MYO16: variants seen among roughly 807,000 people sequenced by gnomAD.
MYO16 encodes the protein unconventional myosin-XVI.
In MYO16, 94 loss-of-function variants were observed where a neutral mutation model predicts 205.3. The ratio of observed to expected loss-of-function variants is 0.46; its 90% CI spans 0.39 to 0.54. MYO16 has a LOEUF of 0.54. Ranked by LOEUF, MYO16 falls within the 20% of genes least tolerant of loss-of-function variation. The pLI is 0.00. For synonymous variants in MYO16, 988 were observed against 954.0 expected (o/e 1.04, Z -0.66); for missense variants, 2,315 against 2,387.5 (o/e 0.97, Z 0.63).
At chr13:108,946,833 C>G (rs1461005916) in intron 16 of MYO16, among the ~76,000 whole-genome samples, 1 of 152,092 alleles carries the variant, frequency 6.6e-6, no homozygotes, top group Non-Finnish European at 1.5e-5. Flanking sequence ...CCCCAGCCTC[C>G]TAAGCCCAAG....
chr13:109,055,031 T>G lies in MYO16; in HGVS notation c.3049-15T>G. On this transcript the variant is annotated splice_polypyrimidine_tract_variant and intron_variant, in intron 25 of 34. Transcript: ENST00000457511. This position sits in a 1 kb window ranked among gnomAD's most constrained non-coding sequence, Gnocchi z 5.0. ...TTCTTTTCTCCTGTCCTTCTTGTCT[T>G]TCTTTTTATTACAGTTATTAAAAAA... The G allele has an allele frequency of 6.7e-7, 1 of 1,489,632 alleles. No homozygotes were observed. Among genetic ancestry groups the G allele is most frequent in the Non-Finnish European group, 9.2e-7 (1 of 1,089,978 alleles). The allele number at this position is 1,489,632 out of a possible 1,614,324, so 92.3% of individuals were successfully genotyped here. A position where few individuals can be genotyped will look rare whatever the true frequency, so the allele number is the denominator to read the frequency against.
chr13:109,055,415 A>G lies in MYO16; in HGVS notation c.3155A>G (p.Lys1052Arg), dbSNP rs779833607. Residue 1052 changes from lysine (K) to arginine (R), a missense_variant, in exon 27 of 35, where the codon AAA becomes AGA. By Grantham distance (26) the Lys-to-Arg change is conservative (BLOSUM62 2). Coordinates refer to ENST00000457511, the MANE Select transcript of MYO16 (RefSeq NM_001198950.3). This position sits in a 1 kb window ranked among gnomAD's most constrained non-coding sequence, Gnocchi z 5.0. ...AAATCACTAATGGATATTATTGGAA[A>G]ACTTCAGAAGTGCACTCCACACTTC... ...LRKSLMDIIG[K>R]LQKCTPHFIH... 1.7e-5 allele frequency: 27 copies of G among 1,612,374 alleles called. No individual in the cohort carries two copies. Among genetic ancestry groups the G allele is most frequent in the Non-Finnish European group, 2.3e-5 (27 of 1,179,178 alleles).
At chr13:108,535,410 CAG>C in the MYO16 span, among the ~76,000 whole-genome samples, 1 of 152,180 alleles carries the variant, frequency 6.6e-6, no homozygotes, top group African/African-American at 2.4e-5. Context: ...CATTCCGGAC[CAG>C]AATCCTTCTA....
chr13:108,925,578 G>C (rs1440143241), intron 16 of MYO16, among the ~76,000 whole-genome samples: 3 of 152,202 alleles, frequency 2.0e-5, no homozygotes, highest in Non-Finnish European at 4.4e-5. Flanking sequence ...CCCCCACCAA[G>C]TCTTCCCTGT....
At position 108,884,979 on chromosome 13, in the gene MYO16, T is replaced by C. The variant is rs1032935423; in HGVS notation, c.1553+1793T>C. Among the ~76,000 whole-genome samples the C allele has an allele frequency of 8.9e-5, 13 of 146,178 alleles. 1 individual carries two copies. On this transcript the variant is annotated intron_variant, in intron 13 of 34. Coordinates refer to ENST00000457511, the MANE Select transcript of MYO16 (RefSeq NM_001198950.3). ...AAAGATGCTGAGACAGGGGCTCTCA[T>C]CCATTCTAAACTCAAAGGAAGAGAA...
At chr13:108,918,865 G>A (rs575041736) in intron 16 of MYO16, among the ~76,000 whole-genome samples, 1 of 151,970 alleles carries the variant, frequency 6.6e-6, no homozygotes, top group Non-Finnish European at 1.5e-5. Flanking sequence ...CGGGAACCTG[G>A]GAGGAGGTGG....
intron 10 of MYO16, among the ~76,000 whole-genome samples, chr13:108,849,243 T>G (rs1035981957): frequency 1.3e-5 from 2 of 152,090 alleles, no homozygotes; most frequent in Non-Finnish European, 2.9e-5. Context: ...CAGACTGGAG[T>G]ACAATGGTGC....
At chr13:108,679,851 C>G (rs1169605942) in intron 2 of MYO16, among the ~76,000 whole-genome samples, 1 of 151,844 alleles carries the variant, frequency 6.6e-6, no homozygotes, top group East Asian at 1.9e-4. Context: ...TTGACATAAC[C>G]AGACTTCACC....
chr13:108,948,592 G>A (rs1353200796), intron 16 of MYO16, among the ~76,000 whole-genome samples: 2 of 152,214 alleles, frequency 1.3e-5, no homozygotes, highest in African/African-American at 4.8e-5. Context: ...GAAGTTCCAT[G>A]GGGATGTTTT....
intron 9 of MYO16, among the ~76,000 whole-genome samples, chr13:108,831,918 T>C (rs1484012928): frequency 1.3e-5 from 2 of 152,150 alleles, no homozygotes; most frequent in Admixed American, 1.3e-4. Context: ...CTGCTTTTCT[T>C]GTTATGTGAG....
At chr13:109,007,329 A>C (rs928850434) in intron 21 of MYO16, among the ~76,000 whole-genome samples, 1 of 151,836 alleles carries the variant, frequency 6.6e-6, no homozygotes, top group Non-Finnish European at 1.5e-5. Context: ...CGGAGCTTGC[A>C]GTGAGCCGAG....
Position 108,666,085 on chromosome 13 carries a change from G to C in MYO16, c.228G>C (p.Pro76=), listed in dbSNP as rs372620045. The part of the protein sequence containing the change: ...FLKRLKHAKN[P]KVHFNLTDML... ...AAAGGCTGAAGCATGCGAAGAATCC[G>C]AAAGTTCACTTCAACCTCACGGACA... The change falls in exon 2 of 35, where the codon CCG becomes CCC. Residue 76 remains proline (P), a synonymous_variant. Coordinates refer to ENST00000457511, the MANE Select transcript of MYO16 (RefSeq NM_001198950.3). The C allele has an allele frequency of 6.2e-7, 1 of 1,614,026 alleles. No homozygotes were observed. The highest frequency in any genetic ancestry group is 8.5e-7 in the Non-Finnish European group (1 of 1,179,944).
chr13:108,751,815 C>T (rs1388834338), intron 4 of MYO16, among the ~76,000 whole-genome samples: 1 of 152,074 alleles, frequency 6.6e-6, no homozygotes, highest in Non-Finnish European at 1.5e-5. Flanking sequence ...GGTCAGTCTT[C>T]AAAATTCATC....
the MYO16 span, among the ~76,000 whole-genome samples, chr13:108,497,038 A>G: frequency 1.3e-5 from 2 of 152,176 alleles, no homozygotes; most frequent in East Asian, 3.9e-4. Flanking sequence ...CGCGTTTGTC[A>G]TGTGTTCTTG....
chr13:108,943,616 T>C (rs1183453099), intron 16 of MYO16, among the ~76,000 whole-genome samples: 1 of 152,072 alleles, frequency 6.6e-6, no homozygotes, highest in South Asian at 2.1e-4. Flanking sequence ...CACACCCAGC[T>C]AATTTAGTAT....
At position 108,866,133 on chromosome 13, in the gene MYO16, C is replaced by T. The variant is rs2139125135; in HGVS notation, c.1360-44C>T. The T allele has an allele frequency of 1.7e-6, 2 of 1,210,252 alleles. 1 individual carries two copies. Among genetic ancestry groups the T allele is most frequent in the South Asian group, 3.6e-5 (2 of 55,280 alleles). The allele number at this position is 1,210,252 out of a possible 1,614,324, so 75.0% of individuals were successfully genotyped here. A position where few individuals can be genotyped will look rare whatever the true frequency, so the allele number is the denominator to read the frequency against. ...GTATGATTTTTATTGTTTAAAGATG[C>T]TATTTATATGACTCATGAACTGTTT... On this transcript the variant is annotated intron_variant, in intron 11 of 34. Coordinates refer to ENST00000457511, the MANE Select transcript of MYO16 (RefSeq NM_001198950.3).
At chr13:109,065,553 T>C (rs542418795) in intron 27 of MYO16, 2 of 468,418 alleles carry the variant, frequency 4.3e-6, no homozygotes, top group Non-Finnish European at 8.3e-6. Context: ...AAAGAAAATT[T>C]AAAAAACTGC....
chr13:108,888,880 C>A (rs922039800), intron 14 of MYO16, among the ~76,000 whole-genome samples: 2 of 151,944 alleles, frequency 1.3e-5, no homozygotes, highest in Non-Finnish European at 2.9e-5. Context: ...CATTGTGAAA[C>A]CTCGTCTCTA....
chr13:109,107,201 G>A lies in MYO16; in HGVS notation c.3438+6314G>A, dbSNP rs942073620. ...CAAAAAACATACTCCAAATTGTAATGAGATATACTTTTCCTATTTGTGTTT... is the reference window on the plus strand; with the variant it reads ...CAAAAAACATACTCCAAATTGTAATAAGATATACTTTTCCTATTTGTGTTT... On this transcript the variant is annotated intron_variant, in intron 28 of 34. Transcript: ENST00000457511. 2.0e-5 allele frequency among the ~76,000 whole-genome samples: 3 copies of A among 152,158 alleles called. No individual in the cohort carries two copies. In the East Asian group the frequency reaches 5.8e-4, roughly 29 times the overall value.
Sources: gnomAD v4.1 joint callset for allele counts (sites outside exome capture counted in the v4.1 genomes callset) on GRCh38, gnomAD v4.1.1 for gene constraint, Gnocchi (gnomAD v3.1) non-coding constraint, MANE v1.5 for transcripts, NCBI Gene and HGNC (gene_info 2026-07-23, HGNC 2026-07-21) for gene names.